The following ATAD2 variants were observed in gnomAD, a reference collection of about 807,000 sequenced individuals.
ATAD2 encodes the protein ATPase family AAA domain containing 2.
ATAD2 carries 62 observed loss-of-function variants against 168.9 expected under a neutral mutation model. The observed-to-expected ratio is 0.37, with a 90% CI of 0.30 to 0.45. ATAD2 has a LOEUF of 0.45. Among genes scored for constraint, ATAD2 ranks in the 20% least tolerant of loss-of-function variants. ATAD2 has a pLI of 1.00. For missense variants in ATAD2, 1,419 were observed against 1,667.8 expected, an observed-to-expected ratio of 0.85 and a Z score of 2.60; for synonymous variants, 613 against 571.6, an observed-to-expected ratio of 1.07 and a Z score of -1.03.
In ATAD2 at chr8:123,402,648, C is replaced by G. The variant is rs182644771; in HGVS notation, c.-2281-1473G>C. Among the ~76,000 whole-genome samples the G allele has an allele frequency of 1.6e-4, 24 of 152,256 alleles. No homozygotes were observed. Among genetic ancestry groups the G allele is most frequent in the Non-Finnish European group, 2.6e-4 (18 of 68,018 alleles). On this transcript the variant is annotated intron_variant, in intron 1 of 28. Coordinates refer to the ATAD2 transcript ENST00000521903. The surrounding 1 kb of genome is among the most constrained non-coding windows in gnomAD (Gnocchi z 4.8). ...CCCTGGCCCTGGGGAGAAGGCTGCT[C>G]TGGTCATGGCTGCCTGCCCCTCATT...
chr8:123,358,494 G>A (rs1204002187), intron 11 of ATAD2, among the ~76,000 whole-genome samples: 1 of 151,798 alleles, frequency 6.6e-6, no homozygotes, highest in East Asian at 1.9e-4. Context: ...ACAGGTGCCC[G>A]CCACCATGCC....
At position 123,348,270 on chromosome 8, in the gene ATAD2, G is replaced by A; in HGVS notation, c.1810C>T (p.Arg604Ter). ...FLFSLPDKEA[R>*]KEILKIHTRD... ...GTGTGAATCTTTAGAATCTCTTTTC[G>A]AGCCTATGAATAAAAACAATTTAAT... Residue 604 changes from arginine to a stop codon, truncating the protein, a stop_gained, in exon 15 of 28, where the codon CGA (arginine) becomes TGA (stop). Coordinates refer to ENST00000287394, the MANE Select transcript of ATAD2 (RefSeq NM_014109.4). LOFTEE classifies it high-confidence loss of function. 1.3e-6 allele frequency: 2 copies of A among 1,581,928 alleles called. No individual in the cohort carries two copies. Among genetic ancestry groups the A allele is most frequent in the Non-Finnish European group, 1.7e-6 (2 of 1,164,846 alleles).
At chr8:123,395,251 C>G (rs1205268488) in intron 1 of ATAD2, among the ~76,000 whole-genome samples, 1 of 152,170 alleles carries the variant, frequency 6.6e-6, no homozygotes, top group East Asian at 1.9e-4. Context: ...GCTTCCCCGA[C>G]TTCTTCAACC....
At chr8:123,372,571 A>G in intron 3 of ATAD2, 66 bp downstream of exon 3, 1 of 1,298,980 alleles carries the variant, frequency 7.7e-7, no homozygotes, top group Non-Finnish European at 1.0e-6. Flanking sequence ...TAGGTACCTC[A>G]AAAAACCTGT....
intron 21 of ATAD2, among the ~76,000 whole-genome samples, chr8:123,337,385 A>G (rs1050164077): frequency 6.6e-6 from 1 of 152,204 alleles, no homozygotes; most frequent in African/African-American, 2.4e-5. Context: ...ATAATAAGAC[A>G]TTCTCAATTA....
Position 123,321,129 on chromosome 8 carries a change from C to T in ATAD2, c.*5G>A. ...ATATAAAGAATACTCGATACCATGA[C>T]ATCATCATCTGGAACAACTGAAGTT... is the stretch of plus-strand genomic sequence containing the variant. On this transcript the variant is annotated 3_prime_UTR_variant, in exon 28 of 28. Transcript: ENST00000287394. 6.2e-7 allele frequency: 1 copy of T among 1,608,094 alleles called. No homozygotes were observed.
chr8:123,349,691 A>T (rs548124895), intron 13 of ATAD2, among the ~76,000 whole-genome samples: 57 of 152,182 alleles, frequency 3.7e-4, no homozygotes, highest in African/African-American at 1.3e-3. Context: ...GACATTTTAT[A>T]AAGCATAATT....
At chr8:123,349,238 A>G in intron 14 of ATAD2, 47 bp downstream of exon 14, 2 of 1,562,120 alleles carry the variant, frequency 1.3e-6, no homozygotes, top group Non-Finnish European at 1.7e-6. Flanking sequence ...TATTATTAAT[A>G]AACAGCAATA....
At chr8:123,361,729 A>C in intron 8 of ATAD2, 83 bp from the exon 9 acceptor site, 2 of 1,093,132 alleles carry the variant, frequency 1.8e-6, no homozygotes, top group Non-Finnish European at 2.7e-6. Context: ...GAAATACCTA[A>C]TGCTCCAAAA....
Position 123,361,572 on chromosome 8 carries a change from C to T in ATAD2, c.1124G>A (p.Arg375Gln), listed in dbSNP as rs575694809. 3.3e-5 allele frequency: 54 copies of T among 1,613,288 alleles called. No homozygotes were observed. In the South Asian group the frequency reaches 3.7e-4, roughly 11 times the overall value. ...AGCCCTATTACGACTCCTTTTCCTCCGCCTCTCAAAGTGCTGTTCATCTTC... is the reference window on the plus strand; with the variant it reads ...AGCCCTATTACGACTCCTTTTCCTCTGCCTCTCAAAGTGCTGTTCATCTTC... ...SSEDEQHFER[R>Q]RKRSRNRAIN... Residue 375 changes from arginine (R) to glutamine (Q), a missense_variant, in exon 9 of 28, where the codon CGG becomes CAG. Arg to Gln is a conservative substitution (Grantham distance 43, BLOSUM62 1). Transcript: ENST00000287394.
intron 13 of ATAD2, among the ~76,000 whole-genome samples, chr8:123,351,800 T>C (rs1034788487): frequency 8.6e-4 from 129 of 149,348 alleles, no homozygotes; most frequent in Non-Finnish European, 1.6e-3. Context: ...CAGGCTGGAG[T>C]GCAGTGGCAC....
At position 123,346,689 on chromosome 8, in the gene ATAD2, A is replaced by C; in HGVS notation, c.2274T>G (p.Val758=). Reference sequence around the variant, plus strand: ...ATTTCTGAGAAAGTCCATTTTCATAAACTGATGGAACATCATCATCACTGT... The same window carrying C: ...ATTTCTGAGAAAGTCCATTTTCATACACTGATGGAACATCATCATCACTGT... ...LAYSDDDVPS[V]YENGLSQKSS... Residue 758 remains valine (V), a synonymous_variant, in exon 17 of 28, where the codon GTT becomes GTG. Transcript: ENST00000287394. 1 of 1,596,034 alleles carries C rather than the reference A, an allele frequency of 6.3e-7. No homozygotes were observed. The highest frequency in any genetic ancestry group is 8.5e-7 in the Non-Finnish European group (1 of 1,171,702).
intron 9 of ATAD2, among the ~76,000 whole-genome samples, chr8:123,361,083 G>A (rs1828804067): frequency 6.6e-6 from 1 of 152,070 alleles, no homozygotes. Flanking sequence ...TTGGGAGGCT[G>A]AGGCGGGTGG....
At chr8:123,374,805 G>A (rs773937372) in intron 2 of ATAD2, among the ~76,000 whole-genome samples, 6 of 152,132 alleles carry the variant, frequency 3.9e-5, no homozygotes, top group Admixed American at 2.0e-4. Flanking sequence ...TACGGTATAC[G>A]CAAGTTTAAA....
At chr8:123,368,972 T>C (rs1313133586) in intron 8 of ATAD2, 86 bp downstream of exon 8, 5 of 671,740 alleles carry the variant, frequency 7.4e-6, no homozygotes, top group Admixed American at 2.6e-5. Context: ...TTTATCCTAA[T>C]ACACCCAATC....
At chr8:123,336,959 C>G (rs1373257425) in intron 21 of ATAD2, among the ~76,000 whole-genome samples, 2 of 149,032 alleles carry the variant, frequency 1.3e-5, no homozygotes, top group Non-Finnish European at 3.0e-5. Context: ...CTGGGCAACA[C>G]AGCAAGACCC....
At chr8:123,390,011 C>T (rs1378700538) in intron 1 of ATAD2, among the ~76,000 whole-genome samples, 1 of 120,512 alleles carries the variant, frequency 8.3e-6, no homozygotes, top group Non-Finnish European at 1.8e-5. Context: ...CAGAGTCTTG[C>T]TCTCTTGCCC....
chr8:123,346,354 A>C, intron 17 of ATAD2, 82 bp from the exon 18 acceptor site: 4 of 1,325,844 alleles, frequency 3.0e-6, no homozygotes, highest in Non-Finnish European at 4.0e-6. Flanking sequence ...ATAAACTTTC[A>C]TAAGTAAAAA....
intron 6 of ATAD2, among the ~76,000 whole-genome samples, chr8:123,370,626 TAA>T (rs1829122933): frequency 6.6e-6 from 1 of 152,088 alleles, no homozygotes; most frequent in African/African-American, 2.4e-5. Flanking sequence ...TAATCACCTT[TAA>T]ACTAAAAAAG....
Sources: allele counts gnomAD v4.1 joint callset (sites outside exome capture counted in the v4.1 genomes callset), GRCh38; gene constraint gnomAD v4.1.1; non-coding constraint Gnocchi (gnomAD v3.1); transcripts MANE v1.5; gene names NCBI Gene and HGNC (gene_info 2026-07-23, HGNC 2026-07-21).